The following GRIA4 variants were observed in gnomAD, a reference collection of about 807,000 sequenced individuals.
The protein encoded by GRIA4 is glutamate ionotropic receptor AMPA type subunit 4.
In GRIA4, 34 loss-of-function variants were observed where a neutral mutation model predicts 104.0. The observed-to-expected ratio is 0.33, with a 90% CI of 0.25 to 0.44. The LOEUF is 0.44. Ranked by LOEUF, GRIA4 falls within the 20% of genes least tolerant of loss-of-function variation. The probability of loss-of-function intolerance (pLI) is 1.00; values close to 1 mark genes in which losing one functional copy is unlikely to be tolerated. For synonymous variants in GRIA4, 386 were observed against 381.9 expected (o/e 1.01, Z -0.13); for missense variants, 750 against 1,096.5 (o/e 0.68, Z 4.46).
chr11:105,815,410 CT>C (rs1943335203), intron 4 of GRIA4, among the ~76,000 whole-genome samples: 3 of 152,094 alleles, frequency 2.0e-5, no homozygotes, highest in Non-Finnish European at 4.4e-5. Flanking sequence ...AGTTAAGACT[CT>C]ATTATCTAAT....
intron 5 of GRIA4, among the ~76,000 whole-genome samples, chr11:105,867,173 G>A (rs1456229656): frequency 6.6e-6 from 1 of 152,014 alleles, no homozygotes; most frequent in East Asian, 1.9e-4. Context: ...AAGCCTAAAA[G>A]CCACGGCTGA....
chr11:105,894,348 G>C (rs996794095), intron 6 of GRIA4, among the ~76,000 whole-genome samples: 5 of 151,784 alleles, frequency 3.3e-5, no homozygotes, highest in African/African-American at 1.2e-4. Flanking sequence ...GCTTTGAATA[G>C]CTTTTCTTCA....
chr11:105,871,882 G>A (rs1404717056), intron 5 of GRIA4, among the ~76,000 whole-genome samples: 1 of 151,958 alleles, frequency 6.6e-6, no homozygotes, highest in Non-Finnish European at 1.5e-5. Flanking sequence ...TAGTCTAATT[G>A]AGTCATTTTT....
rs1313325715 is a variant in GRIA4, at chr11:105,794,512, T to TATAC, written c.487+41293_487+41294insTACA. On this transcript the variant is annotated intron_variant, in intron 4 of 16. Coordinates refer to ENST00000282499, the MANE Select transcript of GRIA4 (RefSeq NM_000829.4). ...ATATATATATATATATATATATATA[T>TATAC]ACATATACACACACACACATATCTG... Among the ~76,000 whole-genome samples the TATAC allele has an allele frequency of 5.5e-3, 584 of 106,830 alleles. 10 individuals carry two copies. Among genetic ancestry groups the TATAC allele is most frequent in the Middle Eastern group, 0.016 (3 of 184 alleles). The allele number at this position is 106,830 out of a possible 152,430, so 70.1% of individuals were successfully genotyped here.
Position 105,691,024 on chromosome 11 carries a change from TTATATG to T in GRIA4, c.248-61956_248-61951del, listed in dbSNP as rs1439878989. Among the ~76,000 whole-genome samples the T allele has an allele frequency of 6.6e-5, 10 of 152,316 alleles. No homozygotes were observed. The East Asian group carries it at 1.9e-3, about 29-fold the overall frequency. Reference sequence around the variant, plus strand: ...TGGATCCTGAGGTCTGGCCATTCTCTTATATGGAGATTAGTTAGAACTGGCCTTTTG... The same window carrying T: ...TGGATCCTGAGGTCTGGCCATTCTCTGAGATTAGTTAGAACTGGCCTTTTG... On this transcript the variant is annotated intron_variant, in intron 3 of 16. Coordinates refer to ENST00000282499, the MANE Select transcript of GRIA4 (RefSeq NM_000829.4).
chr11:105,804,829 G>A (rs543527433), intron 4 of GRIA4, among the ~76,000 whole-genome samples: 1 of 152,074 alleles, frequency 6.6e-6, no homozygotes, highest in South Asian at 2.1e-4. Context: ...AGTTGTATTA[G>A]ATGTAAAGAT....
rs77737479 is a variant in GRIA4 at position 105,717,231 on chromosome 11, C to A, written c.248-35750C>A. Among the ~76,000 whole-genome samples the A allele has an allele frequency of 3.0e-3, 455 of 152,112 alleles. 7 individuals carry two copies. Among genetic ancestry groups the A allele is most frequent in the African/African-American group, 0.011 (447 of 41,512 alleles). The stretch of plus-strand genomic sequence containing the variant: ...GTTTCATAAACCACCTTTTAAAATT[C>A]ATTCTTTCATTTCAGAGCATGGCAA... On this transcript the variant is annotated intron_variant, in intron 3 of 16. Coordinates refer to ENST00000282499, the MANE Select transcript of GRIA4 (RefSeq NM_000829.4).
chr11:105,654,387 G>T (rs1288654378), intron 3 of GRIA4, among the ~76,000 whole-genome samples: 4 of 151,402 alleles, frequency 2.6e-5, no homozygotes, highest in Non-Finnish European at 5.9e-5. Context: ...GTAACGCTAT[G>T]TTCATTAACT....
chr11:105,976,574 T>C (rs1858993692), intron 16 of GRIA4, among the ~76,000 whole-genome samples: 1 of 152,032 alleles, frequency 6.6e-6, no homozygotes, highest in South Asian at 2.1e-4. Context: ...TCAAAACTTA[T>C]AAGTAAGCAG....
intron 4 of GRIA4, among the ~76,000 whole-genome samples, chr11:105,822,529 G>T (rs1485421815): frequency 6.6e-6 from 1 of 152,082 alleles, no homozygotes; most frequent in African/African-American, 2.4e-5. Context: ...CTGAGCAATG[G>T]TAGGGTGCTC....
At chr11:105,926,964 T>C in intron 13 of GRIA4, 25 bp downstream of exon 13, 1 of 1,492,802 alleles carries the variant, frequency 6.7e-7, no homozygotes, top group Admixed American at 1.7e-5. Flanking sequence ...AAACTAAAAA[T>C]GAAATGTTTA....
intron 4 of GRIA4, among the ~76,000 whole-genome samples, chr11:105,817,108 G>A (rs997883303): frequency 1.3e-5 from 2 of 151,988 alleles, no homozygotes; most frequent in African/African-American, 4.8e-5. Context: ...TAGCTTTGTT[G>A]TATTAGGCAA....
intron 14 of GRIA4, among the ~76,000 whole-genome samples, chr11:105,963,118 T>G (rs1259998532): frequency 6.6e-6 from 1 of 152,142 alleles, no homozygotes; most frequent in Non-Finnish European, 1.5e-5. Context: ...TAACTTCTTA[T>G]GGCTTCCTTA....
chr11:105,754,947 G>A (rs988130910), intron 4 of GRIA4, among the ~76,000 whole-genome samples: 3 of 152,136 alleles, frequency 2.0e-5, no homozygotes, highest in African/African-American at 7.2e-5. Flanking sequence ...AAAGCATAGA[G>A]CAGAAAATTT....
chr11:105,862,769 G>C (rs1945274800), intron 5 of GRIA4: 1 of 152,164 alleles, frequency 6.6e-6, no homozygotes, highest in Admixed American at 6.5e-5. Context: ...CCTCAAAATG[G>C]AAAAGTCCTT....
chr11:105,955,025 A>G (rs1948550091), intron 14 of GRIA4, among the ~76,000 whole-genome samples: 1 of 151,418 alleles, frequency 6.6e-6, no homozygotes, highest in Admixed American at 6.6e-5. Context: ...CAGCACCTTT[A>G]ATTTCTTAGG....
intron 4 of GRIA4, among the ~76,000 whole-genome samples, chr11:105,825,272 T>G (rs1206155149): frequency 6.6e-6 from 1 of 152,050 alleles, no homozygotes; most frequent in African/African-American, 2.4e-5. Flanking sequence ...GCACTTCATA[T>G]GTACAGCTGC....
At chr11:105,669,774 G>T (rs963231841) in intron 3 of GRIA4, among the ~76,000 whole-genome samples, 12 of 152,084 alleles carry the variant, frequency 7.9e-5, no homozygotes, top group African/African-American at 2.4e-4. Context: ...GTGTGTCAAG[G>T]TATTCCATAT....
At chr11:105,817,122 G>T (rs1356734979) in intron 4 of GRIA4, among the ~76,000 whole-genome samples, 1 of 152,006 alleles carries the variant, frequency 6.6e-6, no homozygotes, top group East Asian at 1.9e-4. Flanking sequence ...TAGGCAAGTT[G>T]CTTATCCTCT....
Sources: allele counts gnomAD v4.1 joint callset (sites outside exome capture counted in the v4.1 genomes callset), GRCh38; gene constraint gnomAD v4.1.1; transcripts MANE v1.5; gene names NCBI Gene and HGNC (gene_info 2026-07-23, HGNC 2026-07-21).